SCFD2: variants seen among roughly 807,000 people sequenced by gnomAD.
SCFD2 encodes the protein sec1 family domain containing 2, also known as sec1 family domain-containing protein 2.
In SCFD2, 54 loss-of-function variants were observed where a neutral mutation model predicts 58.9. That is an observed-to-expected ratio of 0.92 (90% CI 0.74 to 1.15). SCFD2 has a LOEUF of 1.15. Among genes scored for constraint, SCFD2 ranks in the 50% most tolerant of loss-of-function variants. The pLI is 0.00. For missense variants in SCFD2, 805 were observed against 836.6 expected (o/e 0.96, Z 0.47); for synonymous variants, 321 against 335.9 (o/e 0.96, Z 0.49).
chr4:53,102,840 G>A (rs1292655049), intron 5 of SCFD2, among the ~76,000 whole-genome samples: 2 of 150,784 alleles, frequency 1.3e-5, no homozygotes, highest in African/African-American at 4.8e-5. Context: ...CAGCTTGCAG[G>A]AGCTCTTACT....
intron 4 of SCFD2, among the ~76,000 whole-genome samples, chr4:53,177,628 C>A (rs1367542868): frequency 6.6e-6 from 1 of 152,104 alleles, no homozygotes; most frequent in Non-Finnish European, 1.5e-5. Flanking sequence ...AACTGAGGTA[C>A]CGGGTTCATC....
At chr4:53,270,890 A>T (rs1178127219) in intron 4 of SCFD2, among the ~76,000 whole-genome samples, 3 of 152,226 alleles carry the variant, frequency 2.0e-5, no homozygotes, top group Non-Finnish European at 4.4e-5. Context: ...TTGGGATCTT[A>T]GTATATTACA....
At chr4:53,306,350 G>C (rs1267929389) in intron 3 of SCFD2, among the ~76,000 whole-genome samples, 1 of 152,036 alleles carries the variant, frequency 6.6e-6, no homozygotes, top group African/African-American at 2.4e-5. Flanking sequence ...ACAATTATCA[G>C]AAAGAGGGAG....
chr4:52,954,937 C>G (rs1325068137), intron 5 of SCFD2, among the ~76,000 whole-genome samples: 4 of 152,290 alleles, frequency 2.6e-5, no homozygotes, highest in African/African-American at 9.6e-5. Flanking sequence ...GCTTTTCCTC[C>G]CTGTCCTTTT....
chr4:53,155,034 A>G (rs919738960), intron 4 of SCFD2, among the ~76,000 whole-genome samples: 7 of 152,210 alleles, frequency 4.6e-5, no homozygotes, highest in African/African-American at 1.7e-4. Flanking sequence ...GACCTTCCGA[A>G]CAGTAAGAGA....
intron 5 of SCFD2, among the ~76,000 whole-genome samples, chr4:52,974,571 T>C (rs1314711901): frequency 6.6e-6 from 1 of 151,942 alleles, no homozygotes; most frequent in Admixed American, 6.6e-5. Flanking sequence ...GAAGAATCAA[T>C]ATCATGAAAA....
chr4:53,263,737 C>G (rs1178758297), intron 4 of SCFD2, among the ~76,000 whole-genome samples: 1 of 152,208 alleles, frequency 6.6e-6, no homozygotes, highest in African/African-American at 2.4e-5. Context: ...GGCCTCCAGC[C>G]AGGAGGTGGC....
intron 3 of SCFD2, among the ~76,000 whole-genome samples, chr4:53,275,214 G>A (rs1245631059): frequency 6.6e-6 from 1 of 152,102 alleles, no homozygotes; most frequent in African/African-American, 2.4e-5. Flanking sequence ...AATGGTTTTT[G>A]CTAAAAGTAA....
chr4:53,200,137 G>C (rs762741292), intron 4 of SCFD2, among the ~76,000 whole-genome samples: 1 of 152,014 alleles, frequency 6.6e-6, no homozygotes, highest in Non-Finnish European at 1.5e-5. Flanking sequence ...TTCAGCATAC[G>C]GGTTTTGGCA....
chr4:53,218,385 A>C (rs1362561790), intron 4 of SCFD2, among the ~76,000 whole-genome samples: 1 of 152,034 alleles, frequency 6.6e-6, no homozygotes, highest in Non-Finnish European at 1.5e-5. Flanking sequence ...GCTTCATTTC[A>C]TTCATTTGAT....
intron 2 of SCFD2, among the ~76,000 whole-genome samples, chr4:53,314,027 T>G (rs1291306874): frequency 6.6e-6 from 1 of 152,148 alleles, no homozygotes; most frequent in Non-Finnish European, 1.5e-5. Context: ...GAAAACTATG[T>G]GATAAATTTT....
At chr4:53,226,209 A>G (rs980286724) in intron 4 of SCFD2, among the ~76,000 whole-genome samples, 3 of 152,170 alleles carry the variant, frequency 2.0e-5, no homozygotes, top group Non-Finnish European at 2.9e-5. Context: ...GGTTTGTGAT[A>G]CTGCCTTTAA....
intron 4 of SCFD2, among the ~76,000 whole-genome samples, chr4:53,232,766 A>T (rs1485447062): frequency 6.6e-6 from 1 of 152,124 alleles, no homozygotes; most frequent in Non-Finnish European, 1.5e-5. Flanking sequence ...TCATCACTTC[A>T]AGCATCAACA....
chr4:53,066,099 A>C (rs1422976072), intron 5 of SCFD2, among the ~76,000 whole-genome samples: 1 of 152,134 alleles, frequency 6.6e-6, no homozygotes, highest in Non-Finnish European at 1.5e-5. Context: ...TTCACCGTGA[A>C]AATAATCACA....
intron 5 of SCFD2, among the ~76,000 whole-genome samples, chr4:52,971,524 C>A (rs1721100376): frequency 6.6e-6 from 1 of 152,094 alleles, no homozygotes; most frequent in African/African-American, 2.4e-5. Context: ...TGTGAAAAGA[C>A]CAAATCTACA....
rs191413426 is a variant in SCFD2, at chr4:53,066,095, G to A, written c.1561+79238C>T. ...GGAGACTTAATACTACAATTTCACC[G>A]TGAAAATAATCACAGATGAATGTTC... On this transcript the variant is annotated intron_variant, in intron 5 of 8. Transcript: ENST00000401642. Among the ~76,000 whole-genome samples, 20 of 152,074 alleles carry A rather than the reference G, an allele frequency of 1.3e-4. No individual in the cohort carries two copies. The East Asian group carries it at 2.7e-3, about 21-fold the overall frequency.
intron 3 of SCFD2, among the ~76,000 whole-genome samples, chr4:53,277,836 A>G (rs1006230800): frequency 2.8e-5 from 4 of 143,794 alleles, no homozygotes; most frequent in Non-Finnish European, 6.1e-5. Flanking sequence ...GCAGATCACG[A>G]GGTCAGGAGA....
chr4:53,306,458 A>G (rs1188134672), intron 3 of SCFD2, among the ~76,000 whole-genome samples: 3 of 152,234 alleles, frequency 2.0e-5, no homozygotes, highest in African/African-American at 4.8e-5. Context: ...AATAATACGT[A>G]TCAGAAAGGA....
chr4:53,234,768 T>C (rs1376262660), intron 4 of SCFD2, among the ~76,000 whole-genome samples: 1 of 152,164 alleles, frequency 6.6e-6, no homozygotes, highest in Non-Finnish European at 1.5e-5. Flanking sequence ...ATGATCAGAA[T>C]TACAAGGCTC....
Sources: gnomAD v4.1 joint callset for allele counts (sites outside exome capture counted in the v4.1 genomes callset) on GRCh38, gnomAD v4.1.1 for gene constraint, MANE v1.5 for transcripts, NCBI Gene and HGNC (gene_info 2026-07-23, HGNC 2026-07-21) for gene names.